Variants in XIRP2 observed in about 807,000 individuals in gnomAD.
XIRP2 encodes the protein xin actin-binding repeat-containing protein 2.
In XIRP2, 236 loss-of-function variants were observed where a neutral mutation model predicts 277.0. The observed-to-expected ratio is 0.85, with a 90% confidence interval of 0.77 to 0.95. XIRP2 has a LOEUF of 0.95. Among genes scored for constraint, XIRP2 ranks in the 40% least tolerant of loss-of-function variants. The probability of loss-of-function intolerance (pLI) is 0.00; values close to 1 mark genes in which losing one functional copy is unlikely to be tolerated. For synonymous variants in XIRP2, 1,490 were observed against 1,416.5 expected (o/e 1.05, Z -1.17); for missense variants, 4,640 against 4,157.5 (o/e 1.12, Z -3.19).
intron 2 of XIRP2, among the ~76,000 whole-genome samples, chr2:167,016,815 T>G (rs1410315800): frequency 6.6e-6 from 1 of 151,854 alleles, no homozygotes; most frequent in Non-Finnish European, 1.5e-5. Context: ...TCAAGCAAAT[T>G]TTTACCAAGC....
chr2:167,166,871 T>C (rs1328779041), intron 3 of XIRP2, among the ~76,000 whole-genome samples: 1 of 152,176 alleles, frequency 6.6e-6, no homozygotes, highest in African/African-American at 2.4e-5. Context: ...AATGGTGTTG[T>C]TGGATTCAAC....
chr2:166,903,347 G>A, intron 1 of XIRP2, 118 bp from the exon 2 acceptor site: 5 of 956,004 alleles, frequency 5.2e-6, no homozygotes, highest in Non-Finnish European at 7.6e-6. Context: ...GTATAGGAAA[G>A]CTGGATTTCT....
intron 5 of XIRP2, among the ~76,000 whole-genome samples, chr2:167,233,905 TTTA>T (rs747791219): frequency 1.5e-4 from 23 of 151,694 alleles, no homozygotes; most frequent in Non-Finnish European, 4.4e-5. Flanking sequence ...AAATGCATTC[TTTA>T]TTGTGAATTG....
rs758859827 is a variant in XIRP2 at position 167,249,367 on chromosome 2, GT to G, written c.7979del (p.Leu2660TyrfsTer59). ...AGACAAAGATAAGATGAAAAAGGAA[GT>G]TTTACAAAGCTCAAGGGACATTATG... is the stretch of plus-strand genomic sequence containing the variant. ...SEDKDKMKKEVLQSSRDIMQS... is the reference protein window; with the variant it reads ...SEDKDKMKKEXLQSSRDIMQS... On this transcript the variant is annotated frameshift_variant, in exon 9 of 11. Transcript: ENST00000409195. LOFTEE classifies it high-confidence loss of function. 1 of 1,613,764 alleles carries G rather than the reference GT, an allele frequency of 6.2e-7. No homozygotes were observed. The highest frequency in any genetic ancestry group is 1.1e-5 in the South Asian group (1 of 91,072).
chr2:167,174,560 A>C (rs753012959), intron 3 of XIRP2, among the ~76,000 whole-genome samples: 9 of 152,124 alleles, frequency 5.9e-5, no homozygotes, highest in Non-Finnish European at 1.2e-4. Flanking sequence ...CTTTTCAAAA[A>C]ACAAGCTGCT....
chr2:167,226,721 A>T (rs1694612900), intron 5 of XIRP2, among the ~76,000 whole-genome samples: 1 of 152,096 alleles, frequency 6.6e-6, no homozygotes, highest in South Asian at 2.1e-4. Context: ...TCTTTGGGTT[A>T]TGCTACAGGG....
At chr2:167,104,243 T>G (rs1690557882) in intron 2 of XIRP2, among the ~76,000 whole-genome samples, 1 of 152,134 alleles carries the variant, frequency 6.6e-6, no homozygotes, top group African/African-American at 2.4e-5. Flanking sequence ...TTCATTTTGA[T>G]TTTTCCATCT....
intron 2 of XIRP2, among the ~76,000 whole-genome samples, chr2:167,018,890 T>G (rs1687908118): frequency 6.6e-6 from 1 of 152,060 alleles, no homozygotes; most frequent in East Asian, 1.9e-4. Context: ...AGGATCACAG[T>G]GTACAAAAAA....
In XIRP2 at chr2:167,226,586, C is replaced by T. The variant is rs183265343; in HGVS notation, c.858+8286C>T. Among the ~76,000 whole-genome samples the T allele has an allele frequency of 3.3e-5, 5 of 152,236 alleles. No homozygotes were observed. In the East Asian group the frequency reaches 9.7e-4, roughly 29 times the overall value. ...TTCTCAAGATGAAAGATAGAAAAGC[C>T]TTTTCTTCAAGCCCCAACAAACCAT... On this transcript the variant is annotated intron_variant, in intron 5 of 10. Transcript: ENST00000409195.
At chr2:167,191,989 T>C (rs1286706347) in intron 3 of XIRP2, among the ~76,000 whole-genome samples, 1 of 152,244 alleles carries the variant, frequency 6.6e-6, no homozygotes, top group Non-Finnish European at 1.5e-5. Flanking sequence ...TATCTGCATG[T>C]ATATTTGTAA....
chr2:167,201,218 GAAAGAAA>G lies in XIRP2; in HGVS notation c.563-9516_563-9510del, dbSNP rs1559018161. ...AGAAAGAAAGAAAGAAAGAAAGAAA[GAAAGAAA>G]GAAAGAAAGAAAGAAAGAAAGAAAG... On this transcript the variant is annotated intron_variant, in intron 3 of 10. Coordinates refer to ENST00000409195, the MANE Select transcript of XIRP2 (RefSeq NM_152381.6). Among the ~76,000 whole-genome samples the G allele has an allele frequency of 3.4e-3, 342 of 101,726 alleles. 2 individuals are homozygous for G. Among genetic ancestry groups the G allele is most frequent in the Admixed American group, 6.3e-3 (64 of 10,106 alleles). 66.7% of individuals were successfully genotyped at this position (101,726 alleles called of 152,430 possible).
intron 3 of XIRP2, among the ~76,000 whole-genome samples, chr2:167,172,665 T>C (rs1229135486): frequency 1.3e-5 from 2 of 151,764 alleles, no homozygotes; most frequent in Non-Finnish European, 2.9e-5. Context: ...GAGATGGCTC[T>C]GTTCCACCCA....
At chr2:167,039,387 C>G (rs551140759) in intron 2 of XIRP2, among the ~76,000 whole-genome samples, 1 of 152,278 alleles carries the variant, frequency 6.6e-6, no homozygotes, top group South Asian at 2.1e-4. Context: ...TTGCTGTGAA[C>G]ACACACATTA....
chr2:167,140,648 C>T (rs530677046), intron 3 of XIRP2, among the ~76,000 whole-genome samples: 2 of 152,206 alleles, frequency 1.3e-5, no homozygotes, highest in East Asian at 1.9e-4. Flanking sequence ...TATTTCATGC[C>T]CCAAATAATG....
chr2:167,141,740 A>C (rs1691723449), intron 3 of XIRP2, among the ~76,000 whole-genome samples: 1 of 152,114 alleles, frequency 6.6e-6, no homozygotes, highest in Non-Finnish European at 1.5e-5. Flanking sequence ...ACATACCTGT[A>C]GACCCAGCTA....
chr2:167,080,454 A>T (rs982024530), intron 2 of XIRP2, among the ~76,000 whole-genome samples: 8 of 152,150 alleles, frequency 5.3e-5, no homozygotes, highest in Non-Finnish European at 1.2e-4. Context: ...AGAGCCACCA[A>T]AGGGCCAGAA....
intron 3 of XIRP2, among the ~76,000 whole-genome samples, chr2:167,166,611 G>A (rs926958975): frequency 6.6e-6 from 1 of 152,162 alleles, no homozygotes; most frequent in Non-Finnish European, 1.5e-5. Context: ...AATCATGGCA[G>A]AAGGCAAAGA....
chr2:167,168,209 C>T (rs899099309), intron 3 of XIRP2, among the ~76,000 whole-genome samples: 16 of 152,148 alleles, frequency 1.1e-4, no homozygotes, highest in African/African-American at 3.6e-4. Flanking sequence ...AATATGACTA[C>T]GTGTAGACTT....
rs563915541 is a variant in XIRP2, at chr2:167,248,707, G to T, written c.7315G>T (p.Asp2439Tyr). ...CAAGCATATAAAAGATAATAAGAACGATTTTTCCCCCAAAGTTGAACTGGC... is the reference window on the plus strand; with the variant it reads ...CAAGCATATAAAAGATAATAAGAACTATTTTTCCCCCAAAGTTGAACTGGC... ...LPKHIKDNKN[D>Y]FSPKVELATS... Residue 2439 changes from aspartate (D) to tyrosine (Y), a missense_variant, in exon 9 of 11, where the codon GAT (aspartate) becomes TAT (tyrosine). By Grantham distance (160) the Asp-to-Tyr change is radical (BLOSUM62 -3). Transcript: ENST00000409195. The T allele has an allele frequency of 3.1e-6, 5 of 1,613,644 alleles. 1 individual carries two copies. In the South Asian group the frequency reaches 5.5e-5, roughly 18 times the overall value.
Sources: allele counts gnomAD v4.1 joint callset (sites outside exome capture counted in the v4.1 genomes callset), GRCh38; gene constraint gnomAD v4.1.1; transcripts MANE v1.5; gene names NCBI Gene and HGNC (gene_info 2026-07-23, HGNC 2026-07-21).